SLC22A14: variants seen among roughly 807,000 people sequenced by gnomAD.
SLC22A14 encodes organic cation transporter-like 4.
A neutral mutation model predicts 53.9 loss-of-function variants in SLC22A14; 50 were observed. The ratio of observed to expected loss-of-function variants is 0.93; its 90% CI spans 0.74 to 1.17. The LOEUF (loss-of-function observed/expected upper bound fraction) is 1.17, where lower values mean the gene tolerates loss of function less well. Among genes scored for constraint, SLC22A14 ranks in the 50% most tolerant of loss-of-function variants. The pLI is 0.00. For missense variants in SLC22A14, 671 were observed against 734.7 expected (o/e 0.91, Z 1.00); for synonymous variants, 312 against 303.0 (o/e 1.03, Z -0.31).
chr3:38,298,466 C>G (rs1704089019), intron 1 of SLC22A14, among the ~76,000 whole-genome samples: 1 of 151,814 alleles, frequency 6.6e-6, no homozygotes, highest in Non-Finnish European at 1.5e-5. Context: ...ATCTATCTAT[C>G]TATCTATCTA....
intron 1 of SLC22A14, among the ~76,000 whole-genome samples, chr3:38,283,130 A>G (rs902250926): frequency 6.6e-6 from 1 of 152,054 alleles, no homozygotes; most frequent in Non-Finnish European, 1.5e-5. Context: ...AAAGCCACCG[A>G]CGGCTGCCCA....
Position 38,313,468 on chromosome 3 carries a change from G to A in SLC22A14, c.1146G>A (p.Leu382=). The A allele has an allele frequency of 1.2e-6, 2 of 1,611,924 alleles. No homozygotes were observed. Among genetic ancestry groups the A allele is most frequent in the East Asian group, 2.2e-5 (1 of 44,866 alleles). Residue 382 remains leucine, a synonymous_variant, in exon 7 of 11, where the codon TTG becomes TTA. Transcript: ENST00000448498. Reference sequence around the variant, plus strand: ...ATAGGCAGCTCTGCAAGGTGACCTTGGTGATGAGCTGTGTGTGGTGAGTAT... The same window carrying A: ...ATAGGCAGCTCTGCAAGGTGACCTTAGTGATGAGCTGTGTGTGGTGAGTAT... ...CKNRQLCKVT[L]VMSCVWFTVS... is the part of the protein sequence containing the mutation.
At chr3:38,288,034 C>A (rs759209866) in intron 1 of SLC22A14, among the ~76,000 whole-genome samples, 2 of 152,202 alleles carry the variant, frequency 1.3e-5, no homozygotes, top group Non-Finnish European at 2.9e-5. Flanking sequence ...TCACTACCAT[C>A]CATCTCCGGA....
intron 1 of SLC22A14, among the ~76,000 whole-genome samples, chr3:38,285,080 T>C (rs1430804849): frequency 6.6e-6 from 1 of 152,188 alleles, no homozygotes; most frequent in African/African-American, 2.4e-5. Context: ...GTAGCTACCA[T>C]GAAGTAAACA....
chr3:38,307,512 G>A lies in SLC22A14; in HGVS notation c.621-54G>A. On this transcript the variant is annotated intron_variant, in intron 3 of 10. Coordinates refer to ENST00000448498, the MANE Select transcript of SLC22A14 (RefSeq NM_001320033.2). The surrounding 1 kb of genome is among the most constrained non-coding windows in gnomAD (Gnocchi z 4.4). ...GGCCTGGCCCAGGTGTATCCGGCTG[G>A]GGCCAGCCCGGGAGATCCCGGCACT... 1.2e-6 allele frequency: 2 copies of A among 1,603,486 alleles called. No individual in the cohort carries two copies. The highest frequency in any genetic ancestry group is 1.7e-6 in the Non-Finnish European group (2 of 1,174,374).
At position 38,307,082 on chromosome 3, in the gene SLC22A14, G is replaced by T. The variant is rs10212417; in HGVS notation, c.517-172G>T. On this transcript the variant is annotated intron_variant, in intron 2 of 10. Coordinates refer to ENST00000448498, the MANE Select transcript of SLC22A14 (RefSeq NM_001320033.2). The surrounding 1 kb of genome is among the most constrained non-coding windows in gnomAD (Gnocchi z 4.4). ...GCCCAGCTCTCAGGGTGGAGCAGGT[G>T]CCAGAGGGGTTGCAGAGGTAACAGA... Among the ~76,000 whole-genome samples the T allele has an allele frequency of 6.4e-3, 979 of 152,304 alleles. 9 individuals carry two copies. Among genetic ancestry groups the T allele is most frequent in the African/African-American group, 0.023 (943 of 41,558 alleles).
At chr3:38,293,409 C>A (rs1248245566) in intron 1 of SLC22A14, among the ~76,000 whole-genome samples, 10 of 152,126 alleles carry the variant, frequency 6.6e-5, no homozygotes. Flanking sequence ...TTCTCCTGAT[C>A]TCTATTATAA....
intron 10 of SLC22A14, among the ~76,000 whole-genome samples, chr3:38,317,518 A>C (rs1704655593): frequency 6.6e-6 from 1 of 152,196 alleles, no homozygotes; most frequent in Non-Finnish European, 1.5e-5. Context: ...GCTTTGAAGG[A>C]TGGATAGAAA....
At chr3:38,284,396 T>C (rs957498559) in intron 1 of SLC22A14, among the ~76,000 whole-genome samples, 1 of 152,152 alleles carries the variant, frequency 6.6e-6, no homozygotes, top group African/African-American at 2.4e-5. Context: ...AGGGATAGAT[T>C]TGGCGAATGC....
chr3:38,302,372 C>T (rs1275027049), intron 1 of SLC22A14, among the ~76,000 whole-genome samples: 1 of 71,816 alleles, frequency 1.4e-5, no homozygotes, highest in East Asian at 2.6e-4. Context: ...ACCATCTTTG[C>T]ATTTCTGGTT....
chr3:38,313,964 G>T lies in SLC22A14; in HGVS notation c.1378+23G>T, dbSNP rs575850259. On this transcript the variant is annotated intron_variant, in intron 8 of 10. Coordinates refer to ENST00000448498, the MANE Select transcript of SLC22A14 (RefSeq NM_001320033.2). ...AAGGTACAGCTCATCCTTCCCCTGT[G>T]GCCTGCCCACAGCCTTCCTGCTTCC... is the stretch of plus-strand genomic sequence containing the variant. 4 of 1,601,038 alleles carry T rather than the reference G, an allele frequency of 2.5e-6. No homozygotes were observed. The East Asian group carries it at 8.9e-5, about 36-fold the overall frequency.
In SLC22A14 at chr3:38,306,548, T is replaced by G. The variant is rs1704312628; in HGVS notation, c.516+6T>G. 5 of 1,605,794 alleles carry G rather than the reference T, an allele frequency of 3.1e-6. No homozygotes were observed. Among genetic ancestry groups the G allele is most frequent in the Non-Finnish European group, 3.4e-6 (4 of 1,175,104 alleles). ...AGCGATCGCTGATCAATGAGGTATG[T>G]CTTGTCATGGGTTGTCTGTAACTAC... On this transcript the variant is annotated splice_donor_region_variant and intron_variant, in intron 2 of 10. Coordinates refer to ENST00000448498, the MANE Select transcript of SLC22A14 (RefSeq NM_001320033.2).
At chr3:38,304,064 A>G (rs6650919) in intron 1 of SLC22A14, among the ~76,000 whole-genome samples, 9,655 of 151,380 alleles carry the variant, frequency 0.064, 365 homozygotes, top group East Asian at 0.16. Context: ...GGTGGCGGGC[A>G]CCTGTAGTCC....
chr3:38,286,973 G>A (rs946645446), intron 1 of SLC22A14, among the ~76,000 whole-genome samples: 2 of 151,956 alleles, frequency 1.3e-5, no homozygotes, highest in African/African-American at 2.4e-5. Context: ...CTGACCTCAG[G>A]TGATCCACCC....
intron 1 of SLC22A14, among the ~76,000 whole-genome samples, chr3:38,301,547 T>G (rs959177772): frequency 3.9e-5 from 6 of 152,240 alleles, no homozygotes; most frequent in African/African-American, 1.4e-4. Flanking sequence ...GCAGCTACCT[T>G]GCTAAGCTCT....
intron 1 of SLC22A14, among the ~76,000 whole-genome samples, chr3:38,288,708 T>A (rs905073473): frequency 1.3e-5 from 2 of 152,162 alleles, no homozygotes; most frequent in Admixed American, 6.6e-5. Flanking sequence ...GTTTCCCATT[T>A]AAAAAAATCA....
chr3:38,313,059 G>C lies in SLC22A14; in HGVS notation c.1005G>C (p.Gln335His), dbSNP rs772816150. 2 of 1,601,616 alleles carry C rather than the reference G, an allele frequency of 1.2e-6. No individual in the cohort carries two copies. Among genetic ancestry groups the C allele is most frequent in the South Asian group, 1.1e-5 (1 of 88,340 alleles). ...MMKGKVKEAKQVLCYAASVNK... is the reference protein window; with the variant it reads ...MMKGKVKEAKHVLCYAASVNK... ...AAGGGAAGGTGAAGGAGGCCAAGCA[G>C]GTGCTGTGCTACGCCGCAAGTGTGA... Residue 335 changes from glutamine to histidine, a missense_variant, in exon 6 of 11, where the codon CAG becomes CAC. Gln to His is a conservative substitution (Grantham distance 24, BLOSUM62 0). Transcript: ENST00000448498.
intron 8 of SLC22A14, among the ~76,000 whole-genome samples, chr3:38,315,065 T>G (rs1217261075): frequency 6.6e-6 from 1 of 152,224 alleles, no homozygotes; most frequent in Non-Finnish European, 1.5e-5. Flanking sequence ...ATTGTGCCTG[T>G]CTAGCTGGCC....
chr3:38,313,981 C>T (rs1033367433), intron 8 of SLC22A14, 40 bp downstream of exon 8: 2 of 1,568,066 alleles, frequency 1.3e-6, no homozygotes, highest in Non-Finnish European at 1.8e-6. Context: ...CCACAGCCTT[C>T]CTGCTTCCCA....
Sources: gnomAD v4.1 joint callset for allele counts (sites outside exome capture counted in the v4.1 genomes callset) on GRCh38, gnomAD v4.1.1 for gene constraint, Gnocchi (gnomAD v3.1) non-coding constraint, MANE v1.5 for transcripts, NCBI Gene and HGNC (gene_info 2026-07-23, HGNC 2026-07-21) for gene names.